Variants in VIPR1 observed in about 807,000 individuals in gnomAD.
The protein encoded by VIPR1 is vasoactive intestinal polypeptide receptor 1.
A neutral mutation model predicts 58.8 loss-of-function variants in VIPR1; 59 were observed. The ratio of observed to expected loss-of-function variants is 1.00; its 90% CI spans 0.81 to 1.25. VIPR1 has a LOEUF of 1.25. Among genes scored for constraint, VIPR1 ranks in the 50% most tolerant of loss-of-function variants. The probability of loss-of-function intolerance (pLI) is 0.00; values close to 1 mark genes in which losing one functional copy is unlikely to be tolerated. For missense variants in VIPR1, 626 were observed against 602.7 expected (o/e 1.04, Z -0.40); for synonymous variants, 251 against 242.1 (o/e 1.04, Z -0.34).
intron 2 of VIPR1, 99 bp downstream of exon 2, chr3:42,513,953 A>G: frequency 2.2e-6 from 3 of 1,338,570 alleles, no homozygotes; most frequent in Non-Finnish European, 3.1e-6. Flanking sequence ...TTCCACATTT[A>G]TTGGATGATG....
chr3:42,523,711 T>A (rs998233973), intron 3 of VIPR1, among the ~76,000 whole-genome samples: 1 of 152,176 alleles, frequency 6.6e-6, no homozygotes, highest in East Asian at 1.9e-4. Context: ...TACCAGATGC[T>A]TGCCATGTCA....
chr3:42,492,937 G>T (rs999536203), intron 1 of VIPR1, among the ~76,000 whole-genome samples: 1 of 152,234 alleles, frequency 6.6e-6, no homozygotes, highest in Non-Finnish European at 1.5e-5. Context: ...GCTACTGTGG[G>T]TCTTGGCAGA....
chr3:42,510,470 G>C (rs537625553), intron 1 of VIPR1, among the ~76,000 whole-genome samples: 79 of 152,318 alleles, frequency 5.2e-4, no homozygotes, highest in African/African-American at 1.9e-3. Context: ...GGGAGAGGAA[G>C]TCCAAAGTCT....
At chr3:42,497,529 T>C (rs1434818165) in intron 1 of VIPR1, among the ~76,000 whole-genome samples, 1 of 152,116 alleles carries the variant, frequency 6.6e-6, no homozygotes, top group Non-Finnish European at 1.5e-5. Context: ...GAAAACAGGG[T>C]GGAGCAGTCC....
chr3:42,519,617 G>A, intron 3 of VIPR1: 1 of 286,686 alleles, frequency 3.5e-6, no homozygotes, highest in Admixed American at 5.5e-5. Context: ...CCATAGTCCT[G>A]TTGTCTTGGG....
At chr3:42,511,259 C>T (rs1387183165) in intron 1 of VIPR1, among the ~76,000 whole-genome samples, 1 of 152,242 alleles carries the variant, frequency 6.6e-6, no homozygotes, top group Admixed American at 6.5e-5. Context: ...AACAAGAAGA[C>T]AGCAGAAGCT....
intron 2 of VIPR1, among the ~76,000 whole-genome samples, chr3:42,518,088 T>C (rs1331707183): frequency 6.6e-6 from 1 of 152,008 alleles, no homozygotes; most frequent in Non-Finnish European, 1.5e-5. Flanking sequence ...CACGTACCCA[T>C]CCACTTTATA....
intron 5 of VIPR1, 50 bp downstream of exon 5, chr3:42,527,546 C>T (rs746668299): frequency 1.9e-6 from 3 of 1,582,114 alleles, no homozygotes; most frequent in Non-Finnish European, 2.6e-6. Flanking sequence ...GGCAAGTGTC[C>T]CTCCCACAGT....
At chr3:42,502,464 G>A, upstream of VIPR1, 2 of 333,642 alleles carry the variant, frequency 6.0e-6, no homozygotes, top group Non-Finnish European at 1.1e-5. Context: ...TGTGGGATTG[G>A]CAAAGAGAGA....
intron 11 of VIPR1, 51 bp downstream of exon 11, chr3:42,535,155 T>C: frequency 6.2e-7 from 1 of 1,612,960 alleles, no homozygotes; most frequent in Non-Finnish European, 8.5e-7. Flanking sequence ...TTAAGGGAAT[T>C]CAACCTGGAG....
In VIPR1 at chr3:42,530,997, G is replaced by A. The variant is rs569336524; in HGVS notation, c.790+65G>A. ...GGGCAAGGCCTGGAGAACTCCCTAG[G>A]GGGAGGGTGCCAACCCAGCTTGCAG... On this transcript the variant is annotated intron_variant, in intron 7 of 12. Coordinates refer to ENST00000325123, the MANE Select transcript of VIPR1 (RefSeq NM_004624.4). 1.3e-4 allele frequency: 211 copies of A among 1,589,266 alleles called. 2 individuals are homozygous for A. In the East Asian group the frequency reaches 1.8e-3, roughly 13 times the overall value.
chr3:42,494,211 G>A (rs767101201), intron 1 of VIPR1, among the ~76,000 whole-genome samples: 22 of 152,108 alleles, frequency 1.4e-4, no homozygotes, highest in African/African-American at 3.9e-4. Context: ...AACATTAGAC[G>A]TTAAATATGT....
chr3:42,535,950 G>T (rs1435376768), intron 12 of VIPR1, 140 bp from the exon 13 acceptor site: 1 of 1,084,588 alleles, frequency 9.2e-7, no homozygotes, highest in Admixed American at 3.0e-5. Context: ...TGCACCGCCC[G>T]AGGCAGCATA....
chr3:42,526,298 G>C (rs562035156), intron 4 of VIPR1, among the ~76,000 whole-genome samples: 2 of 152,228 alleles, frequency 1.3e-5, no homozygotes, highest in Non-Finnish European at 2.9e-5. Flanking sequence ...GAGTTGGCAG[G>C]GCAGGCAGAC....
intron 5 of VIPR1, 93 bp downstream of exon 5, chr3:42,527,589 C>T: frequency 8.2e-7 from 1 of 1,212,618 alleles, no homozygotes; most frequent in Non-Finnish European, 1.2e-6. Context: ...TGCCCCGACC[C>T]CTCCACTGTT....
At chr3:42,499,558 A>G (rs931805728), upstream of VIPR1, among the ~76,000 whole-genome samples, 2 of 152,178 alleles carry the variant, frequency 1.3e-5, no homozygotes, top group Non-Finnish European at 2.9e-5. Context: ...GGGATCCCAG[A>G]GGGGAGACTT....
At chr3:42,492,381 T>G (rs1699680233) in intron 1 of VIPR1, 2 of 152,594 alleles carry the variant, frequency 1.3e-5, no homozygotes, top group Admixed American at 1.3e-4. Flanking sequence ...CACCCCCAGC[T>G]TCCCAGGCCT....
chr3:42,502,906 C>A (rs926380228), intron 1 of VIPR1, 93 bp downstream of exon 1: 2 of 1,005,190 alleles, frequency 2.0e-6, no homozygotes, highest in Non-Finnish European at 2.6e-6. Context: ...GCCGTCTGTG[C>A]GCGTGTCTGT....
chr3:42,518,245 T>C (rs1700731972), intron 2 of VIPR1, among the ~76,000 whole-genome samples: 1 of 152,116 alleles, frequency 6.6e-6, no homozygotes, highest in Non-Finnish European at 1.5e-5. Flanking sequence ...ATGTGAGGCC[T>C]ACAAATGCAG....
Sources: allele counts gnomAD v4.1 joint callset (sites outside exome capture counted in the v4.1 genomes callset), GRCh38; gene constraint gnomAD v4.1.1; transcripts MANE v1.5; gene names NCBI Gene and HGNC (gene_info 2026-07-23, HGNC 2026-07-21).